The following ATXN7 variants were observed in gnomAD, a reference collection of about 807,000 sequenced individuals.
ATXN7 encodes the protein ataxin 7.
A neutral mutation model predicts 70.5 loss-of-function variants in ATXN7; 12 were observed. The ratio of observed to expected loss-of-function variants is 0.17; its 90% confidence interval spans 0.11 to 0.28. ATXN7 has a LOEUF of 0.28. ATXN7 is among the 10% of genes least tolerant of loss of function. The pLI is 1.00. For synonymous variants in ATXN7, 498 were observed against 448.7 expected (o/e 1.11, Z -1.39); for missense variants, 1,256 against 1,131.7 (o/e 1.11, Z -1.58).
At chr3:63,940,284 A>ATCAC (rs1553689175) in intron 4 of ATXN7, among the ~76,000 whole-genome samples, 1 of 104,920 alleles carries the variant, frequency 9.5e-6, no homozygotes, top group African/African-American at 4.1e-5. Context: ...GCCATGCCCC[A>ATCAC]TCACACACAC....
intron 2 of ATXN7, chr3:63,901,311 A>G: frequency 6.6e-6 from 1 of 152,238 alleles, no homozygotes; most frequent in African/African-American, 2.4e-5. Flanking sequence ...CAAGAATACA[A>G]TACATTGTTA....
intron 5 of ATXN7, among the ~76,000 whole-genome samples, chr3:63,971,674 C>CAT (rs1256664633): frequency 1.3e-5 from 2 of 151,884 alleles, no homozygotes; most frequent in African/African-American, 2.4e-5. Context: ...AAAATATATA[C>CAT]ATATATATAT....
At chr3:63,881,705 G>A (rs1016584435) in intron 1 of ATXN7, among the ~76,000 whole-genome samples, 1 of 152,122 alleles carries the variant, frequency 6.6e-6, no homozygotes, top group African/African-American at 2.4e-5. Flanking sequence ...GGTCGGGCTG[G>A]TCTTGAACTC....
intron 4 of ATXN7, among the ~76,000 whole-genome samples, chr3:63,926,845 G>A (rs1453612358): frequency 1.3e-5 from 2 of 151,956 alleles, no homozygotes; most frequent in Non-Finnish European, 2.9e-5. Context: ...GCTCCAGTGT[G>A]TCATGTTCCC....
At chr3:63,949,616 T>C (rs2074921351) in intron 4 of ATXN7, among the ~76,000 whole-genome samples, 1 of 152,196 alleles carries the variant, frequency 6.6e-6, no homozygotes, top group African/African-American at 2.4e-5. Flanking sequence ...CATGCTGGTC[T>C]CGAACTCCTG....
At chr3:63,921,870 G>A (rs1388212275) in intron 4 of ATXN7, among the ~76,000 whole-genome samples, 1 of 152,156 alleles carries the variant, frequency 6.6e-6, no homozygotes, top group Non-Finnish European at 1.5e-5. Context: ...AAAGCACAGT[G>A]TCACAAGCAC....
intron 12 of ATXN7, chr3:63,998,459 C>G (rs2075794889): frequency 2.0e-6 from 2 of 985,330 alleles, no homozygotes; most frequent in Non-Finnish European, 2.4e-6. Context: ...GGCTCATGAC[C>G]TGCCATTTTG....
Position 63,995,784 on chromosome 3 carries a change from C to T in ATXN7, c.1962C>T (p.Ser654=). The change falls in exon 12 of 13, where the codon TCC becomes TCT. Residue 654 remains serine (S), a synonymous_variant. Transcript: ENST00000674280. ...RQVSSSSSSP[S]TPSGLSSVPS... is the part of the protein sequence containing the mutation. ...TGTCCTCTTCATCCTCATCCCCTTC[C>T]ACGCCCTCTGGCCTTTCCTCGGTTC... 6.2e-7 allele frequency: 1 copy of T among 1,614,232 alleles called. No homozygotes were observed.
chr3:63,957,986 A>T (rs1246898541), intron 5 of ATXN7, among the ~76,000 whole-genome samples: 1 of 152,216 alleles, frequency 6.6e-6, no homozygotes, highest in Admixed American at 6.5e-5. Context: ...AATGTTATAT[A>T]TTGAGCCACT....
chr3:63,870,922 A>T (rs1045392207), intron 1 of ATXN7, among the ~76,000 whole-genome samples: 5 of 152,082 alleles, frequency 3.3e-5, no homozygotes, highest in Admixed American at 3.3e-4. Flanking sequence ...GTAGATATAT[A>T]TGTCTGTGTG....
At chr3:63,915,358 A>C (rs534837596) in intron 4 of ATXN7, among the ~76,000 whole-genome samples, 2 of 152,310 alleles carry the variant, frequency 1.3e-5, no homozygotes, top group African/African-American at 4.8e-5. Flanking sequence ...GAAGTTTTAA[A>C]TTCAGTCAGT....
At chr3:63,897,718 C>T (rs76837571) in intron 1 of ATXN7, among the ~76,000 whole-genome samples, 3,617 of 152,198 alleles carry the variant, frequency 0.024, 76 homozygotes, top group African/African-American at 0.059. Context: ...CCATATTTGT[C>T]GCTTTTTCTC....
rs184701876 is a variant in ATXN7 at position 63,950,399 on chromosome 3, T to G, written c.395-1980T>G. 5.3e-4 allele frequency among the ~76,000 whole-genome samples: 80 copies of G among 152,286 alleles called. 2 individuals carry two copies. Among genetic ancestry groups the G allele is most frequent in the East Asian group, 2.5e-3 (13 of 5,180 alleles). On this transcript the variant is annotated intron_variant, in intron 4 of 12. Transcript: ENST00000674280. ...ATCACAGAGACCACCAGCAGCACAT[T>G]GCAGAGACCTAAAACTAAACTAACA...
At chr3:63,985,944 A>G (rs980251279) in intron 8 of ATXN7, among the ~76,000 whole-genome samples, 10 of 152,352 alleles carry the variant, frequency 6.6e-5, no homozygotes, top group Admixed American at 5.2e-4. Context: ...TTAATCACCA[A>G]AATAACTGTA....
At chr3:63,982,660 C>T (rs887262469) in intron 7 of ATXN7, among the ~76,000 whole-genome samples, 1 of 78,582 alleles carries the variant, frequency 1.3e-5, no homozygotes, top group Non-Finnish European at 2.7e-5. Flanking sequence ...GTGTGTGTGT[C>T]ATGTAAAAGT....
chr3:63,943,125 C>T (rs1226604206), intron 4 of ATXN7, among the ~76,000 whole-genome samples: 1 of 152,186 alleles, frequency 6.6e-6, no homozygotes, highest in African/African-American at 2.4e-5. Context: ...ATTGGGTATT[C>T]AGGGAAAGTC....
chr3:63,888,725 G>A (rs1703164913), intron 1 of ATXN7, among the ~76,000 whole-genome samples: 1 of 152,058 alleles, frequency 6.6e-6, no homozygotes, highest in African/African-American at 2.4e-5. Flanking sequence ...GCAGTGAGTC[G>A]AGATCGTGCC....
intron 4 of ATXN7, among the ~76,000 whole-genome samples, chr3:63,922,721 T>C (rs2107321264): frequency 6.6e-6 from 1 of 152,286 alleles, no homozygotes; most frequent in Non-Finnish European, 1.5e-5. Context: ...AAAATTGCCT[T>C]TTCAGTTCTT....
chr3:63,912,908 C>T lies in ATXN7; in HGVS notation c.310C>T (p.Leu104Phe). The T allele has an allele frequency of 6.2e-7, 1 of 1,613,034 alleles. No individual in the cohort carries two copies. Among genetic ancestry groups the T allele is most frequent in the Non-Finnish European group, 8.5e-7 (1 of 1,179,588 alleles). ...GAATCTGTGGGTTGAGGCTTCCAAACTTCCTGGGAAGGACGGTGAGTGTCC... is the reference window on the plus strand; with the variant it reads ...GAATCTGTGGGTTGAGGCTTCCAAATTTCCTGGGAAGGACGGTGAGTGTCC... Reference protein sequence around the residue: ...SWNLWVEASKLPGKDGTELDE... With the variant: ...SWNLWVEASKFPGKDGTELDE... Residue 104 changes from leucine (L) to phenylalanine (F), a missense_variant, in exon 3 of 13, where the codon CTT becomes TTT. Transcript: ENST00000674280.
Sources: allele counts gnomAD v4.1 joint callset (sites outside exome capture counted in the v4.1 genomes callset), GRCh38; gene constraint gnomAD v4.1.1; transcripts MANE v1.5; gene names NCBI Gene and HGNC (gene_info 2026-07-23, HGNC 2026-07-21).